The following PDLIM3 variants were observed in gnomAD, a reference collection of about 807,000 sequenced individuals.
PDLIM3 encodes the protein PDZ and LIM domain 3.
Under a neutral mutation model 37.3 loss-of-function variants are expected in PDLIM3, and 36 were observed. The observed-to-expected ratio is 0.97, with a 90% CI of 0.74 to 1.28. The LOEUF (loss-of-function observed/expected upper bound fraction) is 1.28. Ranked by LOEUF, PDLIM3 falls within the 50% of genes most tolerant of loss-of-function variation. The probability of loss-of-function intolerance (pLI) is 0.00; values close to 1 mark genes in which losing one functional copy is unlikely to be tolerated. For synonymous variants in PDLIM3, 174 were observed against 182.4 expected, an observed-to-expected ratio of 0.95 and a Z score of 0.37; for missense variants, 454 against 485.0, an observed-to-expected ratio of 0.94 and a Z score of 0.60.
chr4:185,526,817 T>G (rs2095735015), intron 1 of PDLIM3, among the ~76,000 whole-genome samples: 1 of 152,198 alleles, frequency 6.6e-6, no homozygotes, highest in Admixed American at 6.5e-5. Flanking sequence ...CTGAAATGCT[T>G]CCCTTACTCT....
rs181339407 is a variant in PDLIM3, at chr4:185,514,258, A to G, written c.398+12T>C. On this transcript the variant is annotated intron_variant, in intron 4 of 7. Transcript: ENST00000284767. This position sits in a 1 kb window ranked among gnomAD's most constrained non-coding sequence, Gnocchi z 4.0. ...CATGCACTGCAAACTCCACAGTCTC[A>G]GCGCTTATGACCTGCTTCGGCCCGG... 5.1e-5 allele frequency: 82 copies of G among 1,614,118 alleles called. No homozygotes were observed. Among genetic ancestry groups the G allele is most frequent in the Non-Finnish European group, 6.9e-5 (81 of 1,180,042 alleles).
rs758218049 is a variant in PDLIM3 at position 185,502,270 on chromosome 4, C to A, written c.*24G>T. ...GTAAGTGCGCGTGGGTGGGTGCGTG[C>A]GTGCGTGCCACGCCTGCAGAGACTT... On this transcript the variant is annotated 3_prime_UTR_variant, in exon 8 of 8. Coordinates refer to ENST00000284767, the MANE Select transcript of PDLIM3 (RefSeq NM_014476.6). 1.2e-6 allele frequency: 2 copies of A among 1,611,974 alleles called. No individual in the cohort carries two copies. The highest frequency in any genetic ancestry group is 1.1e-5 in the South Asian group (1 of 91,038).
intron 7 of PDLIM3, among the ~76,000 whole-genome samples, chr4:185,503,116 C>G (rs918454609): frequency 1.3e-4 from 20 of 151,974 alleles, no homozygotes; most frequent in Non-Finnish European, 2.4e-4. Context: ...CCCAGCTACT[C>G]GGGAGGCTGA....
chr4:185,530,725 G>A (rs998234053), intron 1 of PDLIM3, among the ~76,000 whole-genome samples: 28 of 152,122 alleles, frequency 1.8e-4, no homozygotes, highest in African/African-American at 6.8e-4. Flanking sequence ...TGAGTAGCGC[G>A]ATGAAGTCTT....
intron 4 of PDLIM3, chr4:185,511,986 C>T (rs2095707286): frequency 6.6e-6 from 1 of 152,046 alleles, no homozygotes; most frequent in Admixed American, 6.6e-5. Context: ...ACTCACAATT[C>T]CACCTTGATG....
intron 1 of PDLIM3, among the ~76,000 whole-genome samples, chr4:185,532,667 T>C (rs1206986851): frequency 1.3e-5 from 2 of 152,178 alleles, no homozygotes; most frequent in African/African-American, 4.8e-5. Context: ...CAAATTGGGA[T>C]AGGAGATGGT....
intron 7 of PDLIM3, 99 bp from the exon 8 acceptor site, chr4:185,502,582 A>C: frequency 3.7e-6 from 3 of 800,516 alleles, no homozygotes; most frequent in South Asian, 1.6e-5. Flanking sequence ...TCTCTATTTC[A>C]CAGTCAGGAA....
Position 185,506,636 on chromosome 4 carries a change from C to T in PDLIM3, c.679G>A (p.Val227Met). ...CGGTACACGTCCGACTCGGGGGGCACCGAGGCTGTGGGCTCGCTGAAACAC... is the reference window on the plus strand; with the variant it reads ...CGGTACACGTCCGACTCGGGGGGCATCGAGGCTGTGGGCTCGCTGAAACAC... ...TPLMSEPTAS[V>M]PPESDVYRML... Residue 227 changes from valine (V) to methionine (M), a missense_variant, in exon 6 of 8, where the codon GTG (valine) becomes ATG (methionine). Physicochemically the swap from Val to Met is conservative, Grantham distance 21. Coordinates refer to ENST00000284767, the MANE Select transcript of PDLIM3 (RefSeq NM_014476.6). The T allele has an allele frequency of 6.2e-7, 1 of 1,606,162 alleles. No homozygotes were observed. Among genetic ancestry groups the T allele is most frequent in the Non-Finnish European group, 8.5e-7 (1 of 1,179,952 alleles).
At chr4:185,523,523 T>C in intron 2 of PDLIM3, 77 bp from the exon 3 acceptor site, 1 of 953,674 alleles carries the variant, frequency 1.0e-6, no homozygotes, top group Non-Finnish European at 1.6e-6. Flanking sequence ...TTTCCCATTA[T>C]GTTTGTGAAA....
chr4:185,502,183 T>C lies in PDLIM3; in HGVS notation c.*111A>G. 1.8e-6 allele frequency: 2 copies of C among 1,126,240 alleles called. No individual in the cohort carries two copies. The highest frequency in any genetic ancestry group is 2.7e-6 in the Non-Finnish European group (2 of 751,536). The allele number at this position is 1,126,240 out of a possible 1,614,324, so 69.8% of individuals were successfully genotyped here. A position where few individuals can be genotyped will look rare whatever the true frequency, so the allele number is the denominator to read the frequency against. On this transcript the variant is annotated 3_prime_UTR_variant, in exon 8 of 8. Transcript: ENST00000284767. ...TAGGATAAAGGTCTAAAGCCTTGACTTTAGATTTGGAGTTGACAATCTGCA... is the reference window on the plus strand; with the variant it reads ...TAGGATAAAGGTCTAAAGCCTTGACCTTAGATTTGGAGTTGACAATCTGCA...
In PDLIM3 at chr4:185,504,667, C is replaced by CT; in HGVS notation, c.794-82dup. ...CTTGGCTTCTATTTTAAAGTGTGCA[C>CT]TTTAACCTGAAGTTGCATCTGCACC... On this transcript the variant is annotated intron_variant, in intron 6 of 7. Coordinates refer to ENST00000284767, the MANE Select transcript of PDLIM3 (RefSeq NM_014476.6). The surrounding 1 kb of genome is among the most constrained non-coding windows in gnomAD (Gnocchi z 4.7). The CT allele has an allele frequency of 8.9e-7, 1 of 1,123,294 alleles. No homozygotes were observed. Among genetic ancestry groups the CT allele is most frequent in the South Asian group, 1.3e-5 (1 of 75,750 alleles). The allele number at this position is 1,123,294 out of a possible 1,614,324, so 69.6% of individuals were successfully genotyped here.
intron 1 of PDLIM3, among the ~76,000 whole-genome samples, chr4:185,528,060 A>AAAAAC (rs772646270): frequency 0.067 from 6,802 of 101,834 alleles, 194 homozygotes; most frequent in Middle Eastern, 0.097. Context: ...TCCTCTCACC[A>AAAAAC]AAAACAAAAC....
At position 185,504,562 on chromosome 4, in the gene PDLIM3, C is replaced by A; in HGVS notation, c.818G>T (p.Ser273Ile). Residue 273 changes from serine to isoleucine, a missense_variant, in exon 7 of 8, where the codon AGT (serine) becomes ATT (isoleucine). By Grantham distance (142) the Ser-to-Ile change is moderately radical. Coordinates refer to ENST00000284767, the MANE Select transcript of PDLIM3 (RefSeq NM_014476.6). This position sits in a 1 kb window ranked among gnomAD's most constrained non-coding sequence, Gnocchi z 4.7. ...GSDDRPAGTR[S>I]VRAPVTKVHG... ...GACTTTCGTCACCGGAGCTCTCACA[C>A]TCCGCGTTCCAGCCGGACGGTCATC... 6.2e-7 allele frequency: 1 copy of A among 1,614,158 alleles called. No homozygotes were observed.
intron 2 of PDLIM3, 79 bp downstream of exon 2, chr4:185,524,941 A>T: frequency 7.0e-7 from 1 of 1,418,704 alleles, no homozygotes; most frequent in Non-Finnish European, 1.0e-6. Flanking sequence ...CCTTGCTGGG[A>T]GGATGAAGTT....
In PDLIM3 at chr4:185,504,633, C is replaced by T. The variant is rs1315039354; in HGVS notation, c.794-47G>A. 2.8e-6 allele frequency: 4 copies of T among 1,451,736 alleles called. No homozygotes were observed. The highest frequency in any genetic ancestry group is 2.3e-5 in the East Asian group (1 of 43,000). The allele number at this position is 1,451,736 out of a possible 1,614,324, so 89.9% of individuals were successfully genotyped here. ...TTTATGGCTAGGGAACAGCTGGCCG[C>T]AGCCTGTGCTTGGCTTCTATTTTAA... On this transcript the variant is annotated intron_variant, in intron 6 of 7. Coordinates refer to ENST00000284767, the MANE Select transcript of PDLIM3 (RefSeq NM_014476.6). This position sits in a 1 kb window ranked among gnomAD's most constrained non-coding sequence, Gnocchi z 4.7.
intron 4 of PDLIM3, among the ~76,000 whole-genome samples, chr4:185,509,931 T>G (rs11132313): frequency 0.75 from 112,929 of 151,466 alleles, 44,258 homozygotes; most frequent in Non-Finnish European, 0.87. Flanking sequence ...TTTTTTTTTT[T>G]GTCTTGTGCT....
chr4:185,528,071 A>AAAAT (rs2095737321), intron 1 of PDLIM3, among the ~76,000 whole-genome samples: 1 of 151,148 alleles, frequency 6.6e-6, no homozygotes, highest in Non-Finnish European at 1.5e-5. Context: ...AAAACAAAAC[A>AAAAT]AAACAAACAA....
chr4:185,502,570 G>A, intron 7 of PDLIM3, 87 bp from the exon 8 acceptor site: 1 of 1,240,878 alleles, frequency 8.1e-7, no homozygotes, highest in Admixed American at 1.8e-5. Context: ...GAAGGCAGAT[G>A]TTCTCTATTT....
At chr4:185,528,938 T>C (rs1336863263) in intron 1 of PDLIM3, among the ~76,000 whole-genome samples, 1 of 152,248 alleles carries the variant, frequency 6.6e-6, no homozygotes, top group Non-Finnish European at 1.5e-5. Flanking sequence ...CATTATTATA[T>C]TCTTTCCTTA....
Sources: allele counts gnomAD v4.1 joint callset (sites outside exome capture counted in the v4.1 genomes callset), GRCh38; gene constraint gnomAD v4.1.1; non-coding constraint Gnocchi (gnomAD v3.1); transcripts MANE v1.5; gene names NCBI Gene and HGNC (gene_info 2026-07-23, HGNC 2026-07-21).